The following APC2 variants were observed in gnomAD, a reference collection of about 807,000 sequenced individuals.
APC2 encodes APC regulator of Wnt signaling pathway 2, also known as adenomatous polyposis coli protein 2.
A neutral mutation model predicts 72.5 loss-of-function variants in APC2; 41 were observed. The observed-to-expected ratio is 0.57, with a 90% confidence interval of 0.44 to 0.73. The LOEUF is 0.73. Among genes scored for constraint, APC2 ranks in the 30% least tolerant of loss-of-function variants. APC2 has a pLI of 0.00. For synonymous variants in APC2, 1,898 were observed against 1,612.0 expected (o/e 1.18, Z -4.25); for missense variants, 3,729 against 3,403.4 (o/e 1.10, Z -2.38).
At position 1,468,152 on chromosome 19, in the gene APC2, C is replaced by G; in HGVS notation, c.4851C>G (p.Asp1617Glu). Residue 1617 changes from aspartate to glutamate, a missense_variant, in exon 15 of 15, where the codon GAC becomes GAG. Coordinates refer to ENST00000590469, the MANE Select transcript of APC2 (RefSeq NM_005883.3). ...ACCCGGGCCCAGGAGGCGGACGCGACAGCTCGCCCAGCCCGCGGGCCGCGG... is the reference window on the plus strand; with the variant it reads ...ACCCGGGCCCAGGAGGCGGACGCGAGAGCTCGCCCAGCCCGCGGGCCGCGG... ...TKDPGPGGGR[D>E]SSPSPRAAEE... 1 of 1,470,930 alleles carries G rather than the reference C, an allele frequency of 6.8e-7. No individual in the cohort carries two copies. Among genetic ancestry groups the G allele is most frequent in the South Asian group, 1.3e-5 (1 of 76,112 alleles). 91.1% of individuals were successfully genotyped at this position (1,470,930 alleles called of 1,614,324 possible).
At chr19:1,454,748 T>A (rs2145187572) in intron 4 of APC2, among the ~76,000 whole-genome samples, 1 of 152,094 alleles carries the variant, frequency 6.6e-6, no homozygotes, top group Admixed American at 6.5e-5. Context: ...TTCGTATTGT[T>A]AGCAGAGACG....
At position 1,466,886 on chromosome 19, in the gene APC2, T is replaced by C. The variant is rs748428053; in HGVS notation, c.3585T>C (p.Pro1195=). 2.2e-5 allele frequency: 35 copies of C among 1,571,722 alleles called. No homozygotes were observed. The Admixed American group carries it at 6.2e-4, about 28-fold the overall frequency. Residue 1195 remains proline, a synonymous_variant, in exon 15 of 15, where the codon CCT becomes CCC. Transcript: ENST00000590469. ...GGCAGGGCAGCGGCACCATCAGCCC[T>C]AGCGAGCTGCCCGACAGCCCCGGAC... ...CSGQGSGTIS[P]SELPDSPGQT...
At chr19:1,455,049 A>T in intron 4 of APC2, 100 bp from the exon 5 acceptor site, 1 of 589,424 alleles carries the variant, frequency 1.7e-6, no homozygotes, top group Non-Finnish European at 2.6e-6. Context: ...GTTGCCTGTT[A>T]ACCTTGGCAT....
chr19:1,469,397 G>A lies in APC2; in HGVS notation c.6096G>A (p.Ala2032=), dbSNP rs2145259668. The change falls in exon 15 of 15, where the codon GCG becomes GCA. Residue 2032 remains alanine, a synonymous_variant. Coordinates refer to ENST00000590469, the MANE Select transcript of APC2 (RefSeq NM_005883.3). Reference sequence around the variant, plus strand: ...CCTCGCCCCGCCGCGGCCGGCCCGCGCTGCCCGCCGTCTTCCTCTGCTCCT... The same window carrying A: ...CCTCGCCCCGCCGCGGCCGGCCCGCACTGCCCGCCGTCTTCCTCTGCTCCT... ...QGASPRRGRP[A]LPAVFLCSSR... 2 of 1,211,998 alleles carry A rather than the reference G, an allele frequency of 1.7e-6. No homozygotes were observed. Among genetic ancestry groups the A allele is most frequent in the South Asian group, 2.9e-5 (1 of 34,766 alleles). 75.1% of individuals were successfully genotyped at this position (1,211,998 alleles called of 1,614,324 possible).
chr19:1,446,292 G>C, upstream of APC2: 2 of 985,046 alleles, frequency 2.0e-6, no homozygotes, highest in Non-Finnish European at 2.4e-6. This position sits in a 1 kb window ranked among gnomAD's most constrained non-coding sequence, Gnocchi z 6.1. Flanking sequence ...GGCTCCATGG[G>C]GCTCCTGGGG....
At chr19:1,457,943 G>C in intron 9 of APC2, 22 bp from the exon 10 acceptor site, 2 of 1,537,228 alleles carry the variant, frequency 1.3e-6, no homozygotes, top group South Asian at 1.2e-5. Context: ...TGGGGGCTCT[G>C]ATCTGGTCCC....
chr19:1,458,746 T>C (rs1427475948), intron 10 of APC2, among the ~76,000 whole-genome samples: 2 of 151,942 alleles, frequency 1.3e-5, no homozygotes, highest in South Asian at 2.1e-4. Flanking sequence ...AGACAGAGTC[T>C]CACTCTGTTG....
chr19:1,457,195 T>C lies in APC2; in HGVS notation c.1159T>C (p.Trp387Arg). 1.3e-6 allele frequency: 2 copies of C among 1,562,666 alleles called. No individual in the cohort carries two copies. The highest frequency in any genetic ancestry group is 1.7e-6 in the Non-Finnish European group (2 of 1,156,688). Residue 387 changes from tryptophan to arginine, a missense_variant, in exon 9 of 15, where the codon TGG becomes CGG. By Grantham distance (101) the Trp-to-Arg change is moderately radical. Transcript: ENST00000590469. ...IRAYCETCWDWLQARDGGPEG... is the reference protein window; with the variant it reads ...IRAYCETCWDRLQARDGGPEG... ...GGCCTACTGCGAGACCTGCTGGGACTGGCTGCAGGCCCGAGACGGCGGGCC... is the reference window on the plus strand; with the variant it reads ...GGCCTACTGCGAGACCTGCTGGGACCGGCTGCAGGCCCGAGACGGCGGGCC...
Position 1,465,498 on chromosome 19 carries a change from C to T in APC2, c.2197C>T (p.Arg733Trp), listed in dbSNP as rs745335568. The T allele has an allele frequency of 1.0e-5, 16 of 1,524,478 alleles. No homozygotes were observed. The highest frequency in any genetic ancestry group is 1.8e-4 in the Middle Eastern group (1 of 5,546). 94.4% of individuals were successfully genotyped at this position (1,524,478 alleles called of 1,614,324 possible). A position where few individuals can be genotyped will look rare whatever the true frequency, so the allele number is the denominator to read the frequency against. The change falls in exon 15 of 15, where the codon CGG (arginine) becomes TGG (tryptophan). Residue 733 changes from arginine (R) to tryptophan (W), a missense_variant. Transcript: ENST00000590469. ...QRALEAELDA[R>W]HLAQALEHLE... Reference sequence around the variant, plus strand: ...GGCGCTGGAGGCCGAGCTGGACGCACGGCACCTCGCGCAGGCGCTGGAGCA... The same window carrying T: ...GGCGCTGGAGGCCGAGCTGGACGCATGGCACCTCGCGCAGGCGCTGGAGCA...
chr19:1,458,437 T>G (rs2083873082), intron 10 of APC2: 1 of 200,040 alleles, frequency 5.0e-6, no homozygotes, highest in Non-Finnish European at 1.0e-5. Flanking sequence ...TTTGTCAATA[T>G]AAAAAGTAAT....
At position 1,466,733 on chromosome 19, in the gene APC2, G is replaced by A. The variant is rs957737630; in HGVS notation, c.3432G>A (p.Pro1144=). 9.1e-6 allele frequency: 14 copies of A among 1,541,774 alleles called. No individual in the cohort carries two copies. The highest frequency in any genetic ancestry group is 1.2e-5 in the Non-Finnish European group (14 of 1,142,524). ...GCCTGGGGGTGGAAGACGCCACGCC[G>A]TCCAGCTCGTCGGAGAACTACGTGC... ...GRGLGVEDAT[P]SSSSENYVQE... The change falls in exon 15 of 15, where the codon CCG becomes CCA. Residue 1144 remains proline, a synonymous_variant. Transcript: ENST00000590469.
Position 1,469,445 on chromosome 19 carries a change from G to T in APC2, c.6144G>T (p.Ala2048=). 8.6e-7 allele frequency: 1 copy of T among 1,158,738 alleles called. No homozygotes were observed. The highest frequency in any genetic ancestry group is 1.1e-6 in the Non-Finnish European group (1 of 943,788). 71.8% of individuals were successfully genotyped at this position (1,158,738 alleles called of 1,614,324 possible). ...CCTCGCGCTGCGAAGAGCTCCGAGCGGCACCCCGGCAGGGCCCGGCCCCGG... is the reference window on the plus strand; with the variant it reads ...CCTCGCGCTGCGAAGAGCTCCGAGCTGCACCCCGGCAGGGCCCGGCCCCGG... ...LCSSRCEELR[A]APRQGPAPAR... The change falls in exon 15 of 15, where the codon GCG becomes GCT. Residue 2048 remains alanine, a synonymous_variant. Coordinates refer to ENST00000590469, the MANE Select transcript of APC2 (RefSeq NM_005883.3).
Position 1,457,130 on chromosome 19 carries a change from G to C in APC2, c.1094G>C (p.Arg365Pro), listed in dbSNP as rs749078066. Reference protein sequence around the residue: ...VFSQPDQGLARKEMRVLHVLE... With the variant: ...VFSQPDQGLAPKEMRVLHVLE... ...TCGCAGCCGGACCAGGGCCTGGCGC[G>C]CAAGGAGATGCGCGTCCTGCACGTG... Residue 365 changes from arginine to proline, a missense_variant, in exon 9 of 15, where the codon CGC becomes CCC. Coordinates refer to ENST00000590469, the MANE Select transcript of APC2 (RefSeq NM_005883.3). The C allele has an allele frequency of 9.4e-6, 15 of 1,588,472 alleles. No individual in the cohort carries two copies. The highest frequency in any genetic ancestry group is 1.2e-5 in the Non-Finnish European group (14 of 1,170,528).
intron 9 of APC2, chr19:1,457,471 A>C: frequency 1.6e-6 from 1 of 623,216 alleles, no homozygotes; most frequent in Non-Finnish European, 2.6e-6. Context: ...GAATGCATGG[A>C]TGGATCGTGG....
rs771794817 is a variant in APC2, at chr19:1,460,274, C to T, written c.1397C>T (p.Ala466Val). The T allele has an allele frequency of 5.6e-6, 9 of 1,613,420 alleles. No individual in the cohort carries two copies. The highest frequency in any genetic ancestry group is 2.7e-5 in the African/African-American group (2 of 74,952). The change falls in exon 11 of 15, where the codon GCG (alanine) becomes GTG (valine). Residue 466 changes from alanine (A) to valine (V), a missense_variant. Physicochemically the swap from Ala to Val is moderately conservative, Grantham distance 64. Coordinates refer to ENST00000590469, the MANE Select transcript of APC2 (RefSeq NM_005883.3). Reference sequence around the variant, plus strand: ...CTGAACCTGGCGCTGCGCCGCTACGCGGGCATGACCCTCACCAACCTCACC... The same window carrying T: ...CTGAACCTGGCGCTGCGCCGCTACGTGGGCATGACCCTCACCAACCTCACC... ...DPLNLALRRYAGMTLTNLTFG... is the reference protein window; with the variant it reads ...DPLNLALRRYVGMTLTNLTFG...
At chr19:1,460,347 C>CA (rs1377352814) in intron 11 of APC2, 27 bp downstream of exon 11, 1 of 1,612,630 alleles carries the variant, frequency 6.2e-7, no homozygotes, top group East Asian at 2.2e-5. Flanking sequence ...GGTGGGCTGG[C>CA]ACTTTCCTCA....
intron 10 of APC2, among the ~76,000 whole-genome samples, chr19:1,458,920 G>A (rs1210781062): frequency 6.6e-6 from 1 of 152,120 alleles, no homozygotes; most frequent in African/African-American, 2.4e-5. Flanking sequence ...CTGGCCTCGG[G>A]TGATCCGCCC....
At position 1,471,707 on chromosome 19, in the gene APC2, G is replaced by A. The variant is rs1388126765; in HGVS notation, c.*1494G>A. On this transcript the variant is annotated 3_prime_UTR_variant, in exon 15 of 15. Transcript: ENST00000590469. ...CAGGAGGAACGAAGCAGGGTTTGAGGGTTGGGTGGATGGAGCTCAGAAGGA... is the reference window on the plus strand; with the variant it reads ...CAGGAGGAACGAAGCAGGGTTTGAGAGTTGGGTGGATGGAGCTCAGAAGGA... 6.6e-6 allele frequency: 1 copy of A among 152,336 alleles called. No homozygotes were observed. Among genetic ancestry groups the A allele is most frequent in the Non-Finnish European group, 1.5e-5 (1 of 68,112 alleles). The allele number at this position is 152,336 out of a possible 1,614,324, so 9.4% of individuals were successfully genotyped here.
intron 1 of APC2, among the ~76,000 whole-genome samples, chr19:1,451,012 G>A (rs2083736553): frequency 6.6e-6 from 1 of 152,180 alleles, no homozygotes; most frequent in South Asian, 2.1e-4. Flanking sequence ...GGGAGCCATG[G>A]AAGGTGTTTG....
Sources: allele counts gnomAD v4.1 joint callset (sites outside exome capture counted in the v4.1 genomes callset), GRCh38; gene constraint gnomAD v4.1.1; non-coding constraint Gnocchi (gnomAD v3.1); transcripts MANE v1.5; gene names NCBI Gene and HGNC (gene_info 2026-07-23, HGNC 2026-07-21).